The following KIF15 variants were observed in gnomAD, a reference collection of about 807,000 sequenced individuals.
The protein encoded by KIF15 is kinesin family member 15, also known as kinesin-like protein KIF15.
KIF15 carries 140 observed loss-of-function variants against 190.6 expected under a neutral mutation model. That is an observed-to-expected ratio of 0.73 (90% CI 0.64 to 0.84). The LOEUF is 0.84. Among genes scored for constraint, KIF15 ranks in the 40% least tolerant of loss-of-function variants. The probability of loss-of-function intolerance (pLI) is 0.00; values close to 1 mark genes in which losing one functional copy is unlikely to be tolerated. For synonymous variants in KIF15, 528 were observed against 551.3 expected (o/e 0.96, Z 0.59); for missense variants, 1,372 against 1,584.4 (o/e 0.87, Z 2.28).
intron 30 of KIF15, 99 bp from the exon 31 acceptor site, chr3:44,847,886 G>A (rs1698918133): frequency 1.2e-6 from 1 of 804,812 alleles, no homozygotes; most frequent in Non-Finnish European, 2.1e-6. Context: ...TGTACACCTT[G>A]GCATTGCTGC....
At chr3:44,862,915 AGT>A (rs1478315817) in intron 6 of KIF15, 1 of 151,834 alleles carries the variant, frequency 6.6e-6, no homozygotes, top group African/African-American at 2.4e-5. Context: ...TCATGGGGTA[AGT>A]GGTCGAAAGT....
chr3:44,779,462 G>A (rs1161592377), intron 4 of KIF15, among the ~76,000 whole-genome samples: 1 of 152,166 alleles, frequency 6.6e-6, no homozygotes, highest in Non-Finnish European at 1.5e-5. Context: ...GTTTACTGAG[G>A]ACAATACCAA....
chr3:44,784,847 C>A lies in KIF15; in HGVS notation c.364C>A (p.Pro122Thr). ...TGTTTTTTTTTTCATTTTTTTAGGA[C>A]CATCTGAATCTGATAATTTTTCTCA... is the stretch of plus-strand genomic sequence containing the variant. The part of the protein sequence containing the change: ...GSGKTFTMMG[P>T]SESDNFSHNL... Residue 122 changes from proline to threonine, a missense_variant and splice_region_variant, in exon 6 of 35, where the codon CCA (proline) becomes ACA (threonine). Coordinates refer to ENST00000326047, the MANE Select transcript of KIF15 (RefSeq NM_020242.3). The A allele has an allele frequency of 4.1e-6, 6 of 1,468,350 alleles. No individual in the cohort carries two copies. Among genetic ancestry groups the A allele is most frequent in the Non-Finnish European group, 3.7e-6 (4 of 1,074,358 alleles). 91.0% of individuals were successfully genotyped at this position (1,468,350 alleles called of 1,614,324 possible). A position where few individuals can be genotyped will look rare whatever the true frequency, so the allele number is the denominator to read the frequency against.
At chr3:44,865,176 A>G (rs767905324) in intron 6 of KIF15, 1 of 1,614,174 alleles carries the variant, frequency 6.2e-7, no homozygotes, top group South Asian at 1.1e-5. Context: ...CACAAGCAGC[A>G]GTAGCACCAC....
intron 26 of KIF15, among the ~76,000 whole-genome samples, chr3:44,836,353 TA>T (rs1013645026): frequency 6.6e-6 from 1 of 151,574 alleles, no homozygotes; most frequent in Non-Finnish European, 1.5e-5. Context: ...AGACTCTGTC[TA>T]AAAAAATAAA....
At chr3:44,790,957 A>G (rs1008594802) in intron 7 of KIF15, among the ~76,000 whole-genome samples, 1 of 152,146 alleles carries the variant, frequency 6.6e-6, no homozygotes, top group African/African-American at 2.4e-5. Context: ...CTGGGATTAC[A>G]GGCGCGAGCC....
rs1705710711 is a variant in KIF15, at chr3:44,773,112, G to A, written c.20-1283G>A. ...CAGAGAATATAAACAGTGATAGTTG[G>A]GGTCTTGGCCTAGTAAAACATCTTA... is the stretch of plus-strand genomic sequence containing the variant. On this transcript the variant is annotated intron_variant, in intron 1 of 34. Transcript: ENST00000326047. Among the ~76,000 whole-genome samples, 3 of 148,874 alleles carry A rather than the reference G, an allele frequency of 2.0e-5. 1 individual carries two copies. In the South Asian group the frequency reaches 6.7e-4, roughly 33 times the overall value.
At chr3:44,850,889 C>T (rs1165945451) in intron 32 of KIF15, among the ~76,000 whole-genome samples, 2 of 152,170 alleles carry the variant, frequency 1.3e-5, no homozygotes, top group Non-Finnish European at 2.9e-5. Flanking sequence ...CAGTAATCAA[C>T]AGCTAGAAAT....
chr3:44,793,372 T>C (rs1320575363), intron 7 of KIF15, among the ~76,000 whole-genome samples: 1 of 152,230 alleles, frequency 6.6e-6, no homozygotes, highest in African/African-American at 2.4e-5. Context: ...AAAGATAATT[T>C]ACAGATTTTT....
chr3:44,820,346 T>G (rs1212755505), intron 20 of KIF15, among the ~76,000 whole-genome samples: 1 of 152,040 alleles, frequency 6.6e-6, no homozygotes, highest in East Asian at 1.9e-4. Context: ...TCCTTTTTTT[T>G]TTTTAAACTT....
At chr3:44,852,598 A>T in intron 34 of KIF15, 75 bp from the exon 35 acceptor site, 3 of 1,127,482 alleles carry the variant, frequency 2.7e-6, no homozygotes, top group Non-Finnish European at 3.8e-6. Flanking sequence ...ACACCTAATA[A>T]ATGCAAAAAA....
At chr3:44,827,902 C>A (rs1697759711) in intron 23 of KIF15, among the ~76,000 whole-genome samples, 1 of 152,028 alleles carries the variant, frequency 6.6e-6, no homozygotes, top group Non-Finnish European at 1.5e-5. Flanking sequence ...CAGGATCGAA[C>A]TCCTGAGCTC....
intron 6 of KIF15, among the ~76,000 whole-genome samples, chr3:44,866,635 C>T (rs1699325199): frequency 6.6e-6 from 1 of 152,196 alleles, no homozygotes; most frequent in Admixed American, 6.5e-5. Flanking sequence ...GACCCTCCTC[C>T]TCGCCCATGT....
At chr3:44,776,052 A>G (rs1364391574) in intron 3 of KIF15, among the ~76,000 whole-genome samples, 1 of 150,022 alleles carries the variant, frequency 6.7e-6, no homozygotes, top group East Asian at 2.0e-4. Flanking sequence ...TGCACTCCAG[A>G]CTGGGCAACA....
chr3:44,849,036 A>T (rs1360833631), intron 32 of KIF15, among the ~76,000 whole-genome samples: 1 of 152,206 alleles, frequency 6.6e-6, no homozygotes, highest in Non-Finnish European at 1.5e-5. Context: ...TCACTCTTTG[A>T]TGAGCAAGGT....
chr3:44,790,070 T>C (rs2125921829), intron 7 of KIF15, among the ~76,000 whole-genome samples: 1 of 152,332 alleles, frequency 6.6e-6, no homozygotes, highest in East Asian at 1.9e-4. Context: ...GAGCACTTCC[T>C]ACCACCATAC....
At chr3:44,762,405 T>C (rs947763970) in intron 1 of KIF15, among the ~76,000 whole-genome samples, 2 of 152,240 alleles carry the variant, frequency 1.3e-5, no homozygotes, top group African/African-American at 4.8e-5. Context: ...ACAGTCTCTA[T>C]TTTCACTTAA....
Position 44,810,945 on chromosome 3 carries a change from T to G in KIF15, c.2071T>G (p.Ser691Ala), listed in dbSNP as rs1287047355. 6.2e-7 allele frequency: 1 copy of G among 1,613,728 alleles called. No homozygotes were observed. Among genetic ancestry groups the G allele is most frequent in the Admixed American group, 1.7e-5 (1 of 59,982 alleles). The change falls in exon 17 of 35, where the codon TCT (serine) becomes GCT (alanine). Residue 691 changes from serine to alanine, a missense_variant. Physicochemically the swap from Ser to Ala is moderately conservative, Grantham distance 99. Coordinates refer to ENST00000326047, the MANE Select transcript of KIF15 (RefSeq NM_020242.3). ...CTTTGGCTCTCTATACACTCAGAAT[T>G]CTAGCATATTAGATAATGATATATT... ...GSFGSLYTQN[S>A]SILDNDILNE... is the part of the protein sequence containing the mutation.
chr3:44,840,554 A>G lies in KIF15; in HGVS notation c.3420+98A>G, dbSNP rs570258321. ...AGAACATACCTTTGTCTTTTTAAAG[A>G]AAAAGATTTTCACTAATACCCTCTG... is the stretch of plus-strand genomic sequence containing the variant. On this transcript the variant is annotated intron_variant, in intron 28 of 34. Transcript: ENST00000326047. 2.1e-5 allele frequency: 16 copies of G among 760,352 alleles called. No homozygotes were observed. The East Asian group carries it at 4.1e-4, about 19-fold the overall frequency. 47.1% of individuals were successfully genotyped at this position (760,352 alleles called of 1,614,324 possible). A position where few individuals can be genotyped will look rare whatever the true frequency, so the allele number is the denominator to read the frequency against.
Sources: allele counts gnomAD v4.1 joint callset (sites outside exome capture counted in the v4.1 genomes callset), GRCh38; gene constraint gnomAD v4.1.1; transcripts MANE v1.5; gene names NCBI Gene and HGNC (gene_info 2026-07-23, HGNC 2026-07-21).